The following USH2A variants were observed in gnomAD, a reference collection of about 807,000 sequenced individuals.
USH2A encodes Usher syndrome 2A (autosomal recessive, mild).
Under a neutral mutation model 538.9 loss-of-function variants are expected in USH2A, and 443 were observed. That is an observed-to-expected ratio of 0.82 (90% CI 0.76 to 0.89). USH2A has a LOEUF of 0.89. USH2A is among the 40% of genes least tolerant of loss of function. USH2A has a pLI of 0.00. For synonymous variants in USH2A, 2,413 were observed against 2,273.5 expected, an observed-to-expected ratio of 1.06 and a Z score of -1.75; for missense variants, 6,633 against 6,324.8, an observed-to-expected ratio of 1.05 and a Z score of -1.65.
At chr1:215,882,709 C>A (rs1033404084) in intron 41 of USH2A, among the ~76,000 whole-genome samples, 2 of 152,072 alleles carry the variant, frequency 1.3e-5, no homozygotes, top group Non-Finnish European at 2.9e-5. Context: ...AAACTTTTCA[C>A]AGAAAAAAAG....
chr1:215,845,951 C>T lies in USH2A; in HGVS notation c.8928G>A (p.Leu2976=), dbSNP rs1335097126. 1.2e-6 allele frequency: 2 copies of T among 1,613,796 alleles called. No homozygotes were observed. Among genetic ancestry groups the T allele is most frequent in the Admixed American group, 3.3e-5 (2 of 59,902 alleles). The change falls in exon 45 of 72, where the codon TTG becomes TTA. Residue 2976 remains leucine (L), a synonymous_variant. Coordinates refer to ENST00000307340, the MANE Select transcript of USH2A (RefSeq NM_206933.4). The stretch of plus-strand genomic sequence containing the variant: ...CAATGACATGAGAGTTTACATCTGG[C>T]AAGATTTTTAGAGAGTCGTTTGAGG... ...SATSNDSLKI[L]PDVNSHVIGH...
chr1:215,749,746 G>A (rs930983118), intron 58 of USH2A, among the ~76,000 whole-genome samples: 7 of 152,256 alleles, frequency 4.6e-5, no homozygotes, highest in Non-Finnish European at 1.0e-4. Flanking sequence ...TACCCTAAGT[G>A]CAAATGGCAG....
chr1:216,320,793 G>A (rs1021383695), intron 9 of USH2A, among the ~76,000 whole-genome samples: 1 of 151,806 alleles, frequency 6.6e-6, no homozygotes, highest in Non-Finnish European at 1.5e-5. Flanking sequence ...TTAATATTTT[G>A]TAAATGTTTG....
chr1:215,625,963 A>G (rs936287942), intron 71 of USH2A, 93 bp from the exon 72 acceptor site: 25 of 1,297,844 alleles, frequency 1.9e-5, no homozygotes, highest in South Asian at 1.1e-4. Flanking sequence ...GTAAAAAGTA[A>G]TAAGTATTAA....
chr1:216,233,722 T>C (rs2035749776), intron 13 of USH2A, among the ~76,000 whole-genome samples: 1 of 152,126 alleles, frequency 6.6e-6, no homozygotes, highest in Admixed American at 6.6e-5. Flanking sequence ...CAAATATGAT[T>C]CAAAAGTTTA....
intron 50 of USH2A, among the ~76,000 whole-genome samples, chr1:215,796,718 A>G (rs531806557): frequency 2.0e-5 from 3 of 152,192 alleles, no homozygotes; most frequent in Non-Finnish European, 4.4e-5. Flanking sequence ...CTCACTTTAA[A>G]TCAAAAGCTA....
intron 38 of USH2A, among the ~76,000 whole-genome samples, chr1:215,933,794 T>C (rs1411516264): frequency 6.6e-6 from 1 of 151,980 alleles, no homozygotes; most frequent in African/African-American, 2.4e-5. Flanking sequence ...CTGGATGTCC[T>C]GGGGTCCTTT....
intron 37 of USH2A, among the ~76,000 whole-genome samples, chr1:215,956,449 G>C (rs1226684221): frequency 6.6e-6 from 1 of 152,102 alleles, no homozygotes; most frequent in Non-Finnish European, 1.5e-5. Flanking sequence ...GCCTTCCAAA[G>C]CCAAAGGTAC....
intron 21 of USH2A, among the ~76,000 whole-genome samples, chr1:216,102,919 G>A (rs2032627023): frequency 6.6e-6 from 1 of 152,180 alleles, no homozygotes; most frequent in African/African-American, 2.4e-5. Flanking sequence ...AGATATACAA[G>A]TATGTTTACA....
rs139036013 is a variant in USH2A at position 216,254,169 on chromosome 1, T to G, written c.1972-3071A>C. 3.6e-3 allele frequency among the ~76,000 whole-genome samples: 552 copies of G among 152,280 alleles called. 5 individuals are homozygous for G. Among genetic ancestry groups the G allele is most frequent in the African/African-American group, 0.013 (520 of 41,548 alleles). ...TAATCTCTCTGTAACACATATAGAT[T>G]ATAATTTCTGTATATTAACTATATC... On this transcript the variant is annotated intron_variant, in intron 11 of 71. Coordinates refer to ENST00000307340, the MANE Select transcript of USH2A (RefSeq NM_206933.4).
At chr1:216,330,311 A>G (rs966183618) in intron 4 of USH2A, among the ~76,000 whole-genome samples, 2 of 152,162 alleles carry the variant, frequency 1.3e-5, no homozygotes, top group Non-Finnish European at 2.9e-5. Context: ...CATATAGTAT[A>G]TTAGAATGCA....
chr1:215,866,096 T>C (rs1664460255), intron 44 of USH2A, among the ~76,000 whole-genome samples: 1 of 152,194 alleles, frequency 6.6e-6, no homozygotes, highest in Non-Finnish European at 1.5e-5. Context: ...AGTGGGTCTT[T>C]CCTGATCAGG....
chr1:215,757,825 G>T (rs1482103253), intron 58 of USH2A, among the ~76,000 whole-genome samples: 4 of 152,044 alleles, frequency 2.6e-5, no homozygotes, highest in Non-Finnish European at 5.9e-5. Flanking sequence ...TACCATAAGT[G>T]GTCACAACCC....
chr1:216,061,306 T>C (rs2031171935), intron 30 of USH2A, among the ~76,000 whole-genome samples: 1 of 152,246 alleles, frequency 6.6e-6, no homozygotes, highest in South Asian at 2.1e-4. Flanking sequence ...TTTGTAAGTC[T>C]GAACATAAAA....
chr1:215,902,551 T>C (rs981721514), intron 38 of USH2A, among the ~76,000 whole-genome samples: 4 of 152,162 alleles, frequency 2.6e-5, no homozygotes, highest in African/African-American at 9.6e-5. Context: ...AAATGAATAC[T>C]GTGTATACAA....
At chr1:216,018,169 T>C (rs1003604406) in intron 32 of USH2A, among the ~76,000 whole-genome samples, 2 of 152,168 alleles carry the variant, frequency 1.3e-5, no homozygotes, top group African/African-American at 4.8e-5. Flanking sequence ...CTCTTAGAAG[T>C]AGAATTTCCC....
At chr1:216,177,753 T>G (rs1429159865) in intron 20 of USH2A, among the ~76,000 whole-genome samples, 1 of 152,228 alleles carries the variant, frequency 6.6e-6, no homozygotes, top group African/African-American at 2.4e-5. Flanking sequence ...GATTAACAGC[T>G]GATTTATTGA....
In USH2A at chr1:215,948,578, C is replaced by T. The variant is rs144687256; in HGVS notation, c.7121-13783G>A. Among the ~76,000 whole-genome samples, 1,160 of 151,866 alleles carry T rather than the reference C, an allele frequency of 7.6e-3. 15 individuals carry two copies. The highest frequency in any genetic ancestry group is 0.026 in the African/African-American group (1,085 of 41,464). On this transcript the variant is annotated intron_variant, in intron 37 of 71. Transcript: ENST00000307340. The stretch of plus-strand genomic sequence containing the variant: ...GTAAGAATATATATTTTCTCATCAA[C>T]AAATATACAGTATAATCTTTGTAAT...
At chr1:216,200,192 T>C (rs2034953994) in intron 16 of USH2A, 71 bp from the exon 17 acceptor site, 1 of 1,451,764 alleles carries the variant, frequency 6.9e-7, no homozygotes, top group African/African-American at 1.4e-5. Flanking sequence ...GCTAACTGCT[T>C]TCCTATCATA....
Sources: gnomAD v4.1 joint callset for allele counts (sites outside exome capture counted in the v4.1 genomes callset) on GRCh38, gnomAD v4.1.1 for gene constraint, MANE v1.5 for transcripts, NCBI Gene and HGNC (gene_info 2026-07-23, HGNC 2026-07-21) for gene names.